The following PTPRU variants were observed in gnomAD, a reference collection of about 807,000 sequenced individuals.
PTPRU encodes the protein protein tyrosine phosphatase receptor type U, also known as receptor-type tyrosine-protein phosphatase U.
A neutral mutation model predicts 166.3 loss-of-function variants in PTPRU; 69 were observed. That is an observed-to-expected ratio of 0.41 (90% CI 0.34 to 0.51). The LOEUF (loss-of-function observed/expected upper bound fraction) is 0.51. PTPRU is among the 20% of genes least tolerant of loss of function. PTPRU has a pLI of 0.09. For synonymous variants in PTPRU, 793 were observed against 814.0 expected (o/e 0.97, Z 0.44); for missense variants, 1,657 against 2,013.7 (o/e 0.82, Z 3.39).
Position 29,260,640 on chromosome 1 carries a change from T to C in PTPRU, c.881T>C (p.Leu294Pro). Reference sequence around the variant, plus strand: ...CCAACTCCCATCGCGCCCCCACAGCTGCTGCGTGCTGGCCCCACCTACCTC... The same window carrying C: ...CCAACTCCCATCGCGCCCCCACAGCCGCTGCGTGCTGGCCCCACCTACCTC... Reference protein sequence around the residue: ...EPPTPIAPPQLLRAGPTYLII... With the variant: ...EPPTPIAPPQPLRAGPTYLII... The change falls in exon 7 of 30, where the codon CTG (leucine) becomes CCG (proline). Residue 294 changes from leucine to proline, a missense_variant. Leu to Pro is a moderately conservative substitution (Grantham distance 98). Coordinates refer to ENST00000373779, the MANE Select transcript of PTPRU (RefSeq NM_133178.4). The surrounding 1 kb of genome is among the most constrained non-coding windows in gnomAD (Gnocchi z 8.3). The C allele has an allele frequency of 6.6e-7, 1 of 1,508,308 alleles. No homozygotes were observed. The highest frequency in any genetic ancestry group is 8.9e-7 in the Non-Finnish European group (1 of 1,126,060). 93.4% of individuals were successfully genotyped at this position (1,508,308 alleles called of 1,614,324 possible). A position where few individuals can be genotyped will look rare whatever the true frequency, so the allele number is the denominator to read the frequency against.
rs1683891765 is a variant in PTPRU, at chr1:29,238,502, C to T, written c.73+1785C>T. ...AGCCGCAGACAACTGACCTCCCCGG[C>T]ATCGCGTTCGCGGCCCTGCTGCTGG... is the stretch of plus-strand genomic sequence containing the variant. On this transcript the variant is annotated intron_variant, in intron 1 of 29. Transcript: ENST00000373779. This position sits in a 1 kb window ranked among gnomAD's most constrained non-coding sequence, Gnocchi z 6.1. 6.6e-6 allele frequency among the ~76,000 whole-genome samples: 1 copy of T among 152,228 alleles called. No homozygotes were observed. Among genetic ancestry groups the T allele is most frequent in the Non-Finnish European group, 1.5e-5 (1 of 68,044 alleles).
chr1:29,284,804 C>T lies in PTPRU; in HGVS notation c.2253C>T (p.Ile751=), dbSNP rs1686266490. ...RSEEMGLILG[I]CAGGLAVLIL... is the part of the protein sequence containing the mutation. ...AGGAGATGGGGCTTATCCTGGGCATCTGTGCAGGGGGGCTTGCTGTCCTCA... is the reference window on the plus strand; with the variant it reads ...AGGAGATGGGGCTTATCCTGGGCATTTGTGCAGGGGGGCTTGCTGTCCTCA... Residue 751 remains isoleucine, a synonymous_variant, in exon 14 of 30, where the codon ATC becomes ATT. Coordinates refer to ENST00000373779, the MANE Select transcript of PTPRU (RefSeq NM_133178.4). The T allele has an allele frequency of 1.9e-6, 3 of 1,614,006 alleles. No individual in the cohort carries two copies. The South Asian group carries it at 3.3e-5, about 18-fold the overall frequency.
rs1201120198 is a variant in PTPRU at position 29,326,145 on chromosome 1, A to G, written c.*484A>G. On this transcript the variant is annotated 3_prime_UTR_variant, in exon 30 of 30. Transcript: ENST00000373779. ...GGATTCCATCTGGCCCAGCCCCTGA[A>G]GGTCCTGGGGAAGCAGGTCTCAATT... 2.8e-6 allele frequency: 1 copy of G among 356,220 alleles called. No individual in the cohort carries two copies. The highest frequency in any genetic ancestry group is 4.2e-5 in the East Asian group (1 of 24,050). 22.1% of individuals were successfully genotyped at this position (356,220 alleles called of 1,614,324 possible).
chr1:29,319,484 C>T (rs1020322547), intron 25 of PTPRU, among the ~76,000 whole-genome samples: 4 of 152,200 alleles, frequency 2.6e-5, no homozygotes, highest in African/African-American at 7.2e-5. Flanking sequence ...ATTTCTCAGA[C>T]AGGCCCTGAA....
intron 1 of PTPRU, among the ~76,000 whole-genome samples, chr1:29,251,875 G>A (rs1197499006): frequency 6.6e-6 from 1 of 152,216 alleles, no homozygotes; most frequent in Non-Finnish European, 1.5e-5. Context: ...CCTTAGGGCA[G>A]GCCCAGCTCA....
chr1:29,320,714 G>T lies in PTPRU; in HGVS notation c.3717G>T (p.Val1239=). Residue 1239 remains valine, a synonymous_variant, in exon 26 of 30, where the codon GTG becomes GTT. Coordinates refer to ENST00000373779, the MANE Select transcript of PTPRU (RefSeq NM_133178.4). This position sits in a 1 kb window ranked among gnomAD's most constrained non-coding sequence, Gnocchi z 5.2. The part of the protein sequence containing the change: ...DSYTRSAAFI[V]TLHPLQSTTP... ...ACACACGGAGTGCGGCCTTCATCGTGACCCTGCACCCGCTGCAGAGCACCA... is the reference window on the plus strand; with the variant it reads ...ACACACGGAGTGCGGCCTTCATCGTTACCCTGCACCCGCTGCAGAGCACCA... 6.2e-7 allele frequency: 1 copy of T among 1,603,732 alleles called. No homozygotes were observed. The highest frequency in any genetic ancestry group is 8.5e-7 in the Non-Finnish European group (1 of 1,172,194).
At chr1:29,263,072 C>T (rs1685144595) in intron 7 of PTPRU, among the ~76,000 whole-genome samples, 1 of 152,220 alleles carries the variant, frequency 6.6e-6, no homozygotes, top group African/African-American at 2.4e-5. Flanking sequence ...GCAACCTCCA[C>T]CTCCTGGGAT....
At chr1:29,254,740 G>A (rs1233534722) in intron 1 of PTPRU, among the ~76,000 whole-genome samples, 1 of 152,156 alleles carries the variant, frequency 6.6e-6, no homozygotes, top group Non-Finnish European at 1.5e-5. Context: ...GTCCTGCCAG[G>A]CCCAGGGCCC....
intron 26 of PTPRU, among the ~76,000 whole-genome samples, chr1:29,323,001 G>T (rs1688229308): frequency 6.6e-6 from 1 of 150,686 alleles, no homozygotes; most frequent in Non-Finnish European, 1.5e-5. Flanking sequence ...AGGCTGGGGG[G>T]AGGTTCTGGG....
intron 28 of PTPRU, among the ~76,000 whole-genome samples, chr1:29,324,898 A>C (rs1463756023): frequency 9.2e-5 from 11 of 119,358 alleles, no homozygotes; most frequent in East Asian, 2.4e-4. Context: ...TCACCTCTGG[A>C]CTCTTTGGCC....
chr1:29,265,189 T>G (rs982887216), intron 7 of PTPRU, among the ~76,000 whole-genome samples: 1 of 152,234 alleles, frequency 6.6e-6, no homozygotes, highest in African/African-American at 2.4e-5. Flanking sequence ...AGAGTGGCTG[T>G]GTTGTTTTAT....
Position 29,257,050 on chromosome 1 carries a change from GGA to G in PTPRU, c.206-1449_206-1448del, listed in dbSNP as rs113347005. On this transcript the variant is annotated intron_variant, in intron 2 of 29. Coordinates refer to ENST00000373779, the MANE Select transcript of PTPRU (RefSeq NM_133178.4). This position sits in a 1 kb window ranked among gnomAD's most constrained non-coding sequence, Gnocchi z 4.6. ...AGGAGGGAGATTCACACTCAGAGAT[GGA>G]GAGAGGAGAAGGAAGAGCGACAGGG... 0.011 allele frequency among the ~76,000 whole-genome samples: 1,671 copies of G among 152,122 alleles called. 29 individuals are homozygous for G. The highest frequency in any genetic ancestry group is 0.038 in the African/African-American group (1,584 of 41,532).
At chr1:29,304,141 C>A in intron 16 of PTPRU, 96 bp downstream of exon 16, 1 of 1,378,690 alleles carries the variant, frequency 7.3e-7, no homozygotes, top group Non-Finnish European at 9.7e-7. Flanking sequence ...CAGCCTAGTC[C>A]TGGTTGGACG....
At position 29,325,829 on chromosome 1, in the gene PTPRU, T is replaced by G; in HGVS notation, c.*168T>G. The G allele has an allele frequency of 1.3e-6, 1 of 758,610 alleles. No individual in the cohort carries two copies. The highest frequency in any genetic ancestry group is 2.0e-6 in the Non-Finnish European group (1 of 496,772). The allele number at this position is 758,610 out of a possible 1,614,324, so 47.0% of individuals were successfully genotyped here. On this transcript the variant is annotated 3_prime_UTR_variant, in exon 30 of 30. Coordinates refer to ENST00000373779, the MANE Select transcript of PTPRU (RefSeq NM_133178.4). ...CCCCCTTCCACTGTGGGCAGGGCCT[T>G]TCGCTTGTCCCATGGGCGGGTGGTG...
At chr1:29,248,420 T>G (rs997450026) in intron 1 of PTPRU, among the ~76,000 whole-genome samples, 2 of 152,108 alleles carry the variant, frequency 1.3e-5, no homozygotes, top group Non-Finnish European at 2.9e-5. Flanking sequence ...TAGTCCAGTA[T>G]TGTTGTTGGG....
In PTPRU at chr1:29,310,845, G is replaced by A. The variant is rs147321894; in HGVS notation, c.2857+65G>A. 1.7e-4 allele frequency: 263 copies of A among 1,555,826 alleles called. 2 individuals carry two copies. The African/African-American group carries it at 3.4e-3, about 20-fold the overall frequency. ...CTCCCAGCGTGCTGGAATGCCCTCAGCTTGCCTTTCTGCCTCCCCTGCTGA... is the reference window on the plus strand; with the variant it reads ...CTCCCAGCGTGCTGGAATGCCCTCAACTTGCCTTTCTGCCTCCCCTGCTGA... On this transcript the variant is annotated intron_variant, in intron 19 of 29. Coordinates refer to ENST00000373779, the MANE Select transcript of PTPRU (RefSeq NM_133178.4).
chr1:29,323,577 G>T, intron 27 of PTPRU, 54 bp from the exon 28 acceptor site: 2 of 1,611,428 alleles, frequency 1.2e-6, no homozygotes, highest in South Asian at 1.1e-5. Flanking sequence ...GTCATCAGGG[G>T]CCCCTGGGAC....
chr1:29,241,099 G>C (rs934814187), intron 1 of PTPRU, among the ~76,000 whole-genome samples: 3 of 152,178 alleles, frequency 2.0e-5, no homozygotes, highest in Non-Finnish European at 4.4e-5. Context: ...CTAGCCATCT[G>C]GTTATCGTGT....
At position 29,275,459 on chromosome 1, in the gene PTPRU, G is replaced by T. The variant is rs767178701; in HGVS notation, c.1156G>T (p.Ala386Ser). 1 of 1,612,816 alleles carries T rather than the reference G, an allele frequency of 6.2e-7. No individual in the cohort carries two copies. Among genetic ancestry groups the T allele is most frequent in the African/African-American group, 1.3e-5 (1 of 74,840 alleles). ...CCTGCATTCTCCAGAGCCCATGAGG[G>T]CCCCCAAAGGCCTGGCTTTTGCTGA... ...SRTKCAEPMR[A>S]PKGLAFAEIQ... Residue 386 changes from alanine to serine, a missense_variant, in exon 8 of 30, where the codon GCC becomes TCC. This residue lies in a region of PTPRU where 1,190 missense variants were observed against 1,477.4 expected (regional missense o/e 0.81). Coordinates refer to ENST00000373779, the MANE Select transcript of PTPRU (RefSeq NM_133178.4).
Sources: allele counts gnomAD v4.1 joint callset (sites outside exome capture counted in the v4.1 genomes callset), GRCh38; gene constraint gnomAD v4.1.1; regional missense constraint gnomAD v4.1.1; non-coding constraint Gnocchi (gnomAD v3.1); transcripts MANE v1.5; gene names NCBI Gene and HGNC (gene_info 2026-07-23, HGNC 2026-07-21).